The following ARNT variants were observed in gnomAD, a reference collection of about 807,000 sequenced individuals.
ARNT encodes the protein aryl hydrocarbon receptor nuclear translocator.
In ARNT, 30 loss-of-function variants were observed where a neutral mutation model predicts 105.0. That is an observed-to-expected ratio of 0.29 (90% CI 0.21 to 0.39). The LOEUF is 0.39. Among genes scored for constraint, ARNT ranks in the 10% least tolerant of loss-of-function variants. The probability of loss-of-function intolerance (pLI) is 1.00; values close to 1 mark genes in which losing one functional copy is unlikely to be tolerated. For synonymous variants in ARNT, 304 were observed against 344.0 expected, an observed-to-expected ratio of 0.88 and a Z score of 1.29; for missense variants, 748 against 978.7, an observed-to-expected ratio of 0.76 and a Z score of 3.15.
intron 4 of ARNT, 118 bp downstream of exon 4, chr1:150,846,145 T>C (rs1380883042): frequency 1.3e-6 from 1 of 779,312 alleles, no homozygotes; most frequent in East Asian, 2.7e-5. Flanking sequence ...ATAGGAAAGA[T>C]ATTAAACAGA....
chr1:150,857,919 G>C (rs981901791), intron 2 of ARNT, among the ~76,000 whole-genome samples: 2 of 152,160 alleles, frequency 1.3e-5, no homozygotes, highest in Non-Finnish European at 2.9e-5. Context: ...TTTTGGAGCT[G>C]AATGGACTCT....
chr1:150,864,943 C>T (rs1207988544), intron 1 of ARNT, among the ~76,000 whole-genome samples: 1 of 144,676 alleles, frequency 6.9e-6, no homozygotes, highest in Non-Finnish European at 1.5e-5. Flanking sequence ...AAGTGCTAAC[C>T]AAGAGAAAGC....
chr1:150,863,206 A>G (rs935894948), intron 1 of ARNT, among the ~76,000 whole-genome samples: 2 of 151,950 alleles, frequency 1.3e-5, no homozygotes, highest in Admixed American at 1.3e-4. Flanking sequence ...TACTAAAAAT[A>G]CAAAAATTAG....
chr1:150,811,744 T>C lies in ARNT; in HGVS notation c.*277A>G, dbSNP rs1654772085. ...CTCAGCACAAATCAACACTATACAA[T>C]TTCAGGTCAGGAGACATAAGGAAAG... On this transcript the variant is annotated 3_prime_UTR_variant, in exon 22 of 22. Coordinates refer to ENST00000358595, the MANE Select transcript of ARNT (RefSeq NM_001668.4). The C allele has an allele frequency of 3.6e-6, 1 of 278,006 alleles. No individual in the cohort carries two copies. The highest frequency in any genetic ancestry group is 6.8e-6 in the Non-Finnish European group (1 of 147,924). 17.2% of individuals were successfully genotyped at this position (278,006 alleles called of 1,614,324 possible). A position where few individuals can be genotyped will look rare whatever the true frequency, so the allele number is the denominator to read the frequency against.
intron 3 of ARNT, among the ~76,000 whole-genome samples, chr1:150,847,517 T>C (rs939590237): frequency 3.3e-5 from 5 of 151,864 alleles, no homozygotes; most frequent in Non-Finnish European, 7.4e-5. Flanking sequence ...TAAACTACGA[T>C]AGTCTTTTTT....
intron 1 of ARNT, among the ~76,000 whole-genome samples, chr1:150,869,725 T>C (rs895217661): frequency 2.0e-5 from 3 of 151,944 alleles, no homozygotes; most frequent in Non-Finnish European, 4.4e-5. Flanking sequence ...TTTTTTTATA[T>C]ATATTTTTGT....
intron 11 of ARNT, chr1:150,829,601 A>G (rs1658958370): frequency 1.8e-6 from 1 of 565,718 alleles, no homozygotes; most frequent in African/African-American, 1.9e-5. Flanking sequence ...AGGTAATGAT[A>G]CAATGAAAAG....
intron 6 of ARNT, among the ~76,000 whole-genome samples, chr1:150,837,919 G>T (rs1188315154): frequency 6.6e-6 from 1 of 151,290 alleles, no homozygotes; most frequent in Non-Finnish European, 1.5e-5. Flanking sequence ...TAAGCTAGAA[G>T]CCTCAAAATC....
chr1:150,876,569 G>A lies in ARNT; in HGVS notation c.-2C>T, dbSNP rs761957127. On this transcript the variant is annotated 5_prime_UTR_variant, in exon 1 of 22. Coordinates refer to ENST00000358595, the MANE Select transcript of ARNT (RefSeq NM_001668.4). Reference sequence around the variant, plus strand: ...GGGGTTGGCAGTAGTCGCCGCCATGGCCGCAGATGCCACCGCCGCCGCGCC... The same window carrying A: ...GGGGTTGGCAGTAGTCGCCGCCATGACCGCAGATGCCACCGCCGCCGCGCC... 1.3e-6 allele frequency: 2 copies of A among 1,544,520 alleles called. No homozygotes were observed. The highest frequency in any genetic ancestry group is 1.7e-6 in the Non-Finnish European group (2 of 1,145,638).
chr1:150,856,728 A>G (rs1279646366), intron 2 of ARNT, among the ~76,000 whole-genome samples: 1 of 152,186 alleles, frequency 6.6e-6, no homozygotes, highest in Non-Finnish European at 1.5e-5. Context: ...ACACCACTGC[A>G]CTCCAGCCTG....
Position 150,829,085 on chromosome 1 carries a change from C to A in ARNT, c.1167+8G>T. Reference sequence around the variant, plus strand: ...AAATGGAGGCCTAATGGAGCTCCAGCTCCTCACCTGTGGCTGGTAGCCAAC... The same window carrying A: ...AAATGGAGGCCTAATGGAGCTCCAGATCCTCACCTGTGGCTGGTAGCCAAC... On this transcript the variant is annotated splice_region_variant and intron_variant, in intron 12 of 21. Coordinates refer to ENST00000358595, the MANE Select transcript of ARNT (RefSeq NM_001668.4). 6.2e-7 allele frequency: 1 copy of A among 1,613,832 alleles called. No homozygotes were observed. The highest frequency in any genetic ancestry group is 1.1e-5 in the South Asian group (1 of 91,032).
chr1:150,813,113 T>C, intron 21 of ARNT, 59 bp downstream of exon 21: 3 of 1,564,044 alleles, frequency 1.9e-6, no homozygotes, highest in Non-Finnish European at 2.6e-6. Flanking sequence ...CTGTCTCTCC[T>C]CCTCCTGGAC....
chr1:150,858,226 G>C lies in ARNT; in HGVS notation c.137+123C>G, dbSNP rs1032958319. 8.7e-6 allele frequency: 6 copies of C among 689,328 alleles called. No individual in the cohort carries two copies. In the African/African-American group the frequency reaches 1.1e-4, roughly 12 times the overall value. 42.7% of individuals were successfully genotyped at this position (689,328 alleles called of 1,614,324 possible). ...AGGAGACTTATATGACAGTAGTGTA[G>C]TAAGTAATCAAGTTGAAGTGAGATG... is the stretch of plus-strand genomic sequence containing the variant. On this transcript the variant is annotated intron_variant, in intron 2 of 21. Transcript: ENST00000358595.
intron 4 of ARNT, among the ~76,000 whole-genome samples, chr1:150,845,912 A>C (rs1354199565): frequency 6.6e-6 from 1 of 152,160 alleles, no homozygotes; most frequent in Non-Finnish European, 1.5e-5. Flanking sequence ...AAAATAAATA[A>C]ATTAATTACA....
At chr1:150,844,166 T>G (rs1661752979) in intron 4 of ARNT, among the ~76,000 whole-genome samples, 1 of 152,190 alleles carries the variant, frequency 6.6e-6, no homozygotes, top group South Asian at 2.1e-4. Flanking sequence ...TTAGAGATGG[T>G]TCACATCCTA....
intron 1 of ARNT, among the ~76,000 whole-genome samples, chr1:150,862,312 CTGAT>C (rs1436257675): frequency 2.0e-5 from 3 of 152,090 alleles, no homozygotes; most frequent in Non-Finnish European, 4.4e-5. Context: ...ATTTAAAACT[CTGAT>C]TGCCCATTAC....
At chr1:150,856,426 C>T (rs973424358) in intron 2 of ARNT, among the ~76,000 whole-genome samples, 3 of 145,590 alleles carry the variant, frequency 2.1e-5, no homozygotes, top group Non-Finnish European at 4.5e-5. Flanking sequence ...GGCGACAGAG[C>T]GAGACTCCAT....
At chr1:150,836,040 A>T (rs1392801600) in intron 7 of ARNT, among the ~76,000 whole-genome samples, 1 of 152,184 alleles carries the variant, frequency 6.6e-6, no homozygotes. Flanking sequence ...TTACTGTTCT[A>T]TTTATACCAA....
intron 7 of ARNT, 114 bp downstream of exon 7, chr1:150,836,166 T>C: frequency 1.1e-6 from 1 of 942,846 alleles, no homozygotes; most frequent in Non-Finnish European, 1.6e-6. Flanking sequence ...AGTAGAAAAT[T>C]CTTGAAGCCT....
Sources: gnomAD v4.1 joint callset for allele counts (sites outside exome capture counted in the v4.1 genomes callset) on GRCh38, gnomAD v4.1.1 for gene constraint, MANE v1.5 for transcripts, NCBI Gene and HGNC (gene_info 2026-07-23, HGNC 2026-07-21) for gene names.